RP1: variants seen among roughly 807,000 people sequenced by gnomAD.
The protein encoded by RP1 is RP1 axonemal microtubule associated, also known as oxygen-regulated protein 1.
Under a neutral mutation model 14.8 loss-of-function variants are expected in RP1, and 16 were observed. The observed-to-expected ratio is 1.08, with a 90% CI of 0.73 to 1.65. The LOEUF (loss-of-function observed/expected upper bound fraction) is 1.65. Ranked by LOEUF, RP1 falls within the 40% of genes most tolerant of loss-of-function variation. RP1 has a pLI of 0.00. For missense variants in RP1, 2,631 were observed against 2,535.0 expected (o/e 1.04, Z -0.81); for synonymous variants, 876 against 883.6 (o/e 0.99, Z 0.15).
chr8:54,627,537 AGT>A lies in RP1; in HGVS notation c.3658_3659del (p.Val1220SerfsTer2). ...AAATTGTTCCACGGTCAACATTCAGAGTGTTCCTAAGTGCAGTGAAAATGAAA... is the reference window on the plus strand; with the variant it reads ...AAATTGTTCCACGGTCAACATTCAGAGTTCCTAAGTGCAGTGAAAATGAAA... ...SANCSTVNIQ[S>X]VPKCSENERT... On this transcript the variant is annotated frameshift_variant, in exon 4 of 4. Coordinates refer to ENST00000220676, the MANE Select transcript of RP1 (RefSeq NM_006269.2). LOFTEE classifies it low-confidence loss of function (END_TRUNC). 1.9e-6 allele frequency: 3 copies of A among 1,614,194 alleles called. No homozygotes were observed. The highest frequency in any genetic ancestry group is 2.5e-6 in the Non-Finnish European group (3 of 1,180,000).
intron 24 of RP1, among the ~76,000 whole-genome samples, chr8:54,819,470 T>C (rs966114328): frequency 6.6e-6 from 1 of 152,148 alleles, no homozygotes; most frequent in African/African-American, 2.4e-5. Context: ...CCCTGGTGCC[T>C]TATTAGTTTG....
chr8:54,789,574 G>A (rs539942935), intron 24 of RP1, among the ~76,000 whole-genome samples: 8 of 152,264 alleles, frequency 5.3e-5, no homozygotes, highest in Admixed American at 3.3e-4. Flanking sequence ...CCAGCCTACC[G>A]TGAAGCCCAG....
Position 54,621,199 on chromosome 8 carries a change from T to C in RP1, c.233T>C (p.Phe78Ser). Residue 78 changes from phenylalanine (F) to serine (S), a missense_variant, in exon 2 of 4, where the codon TTT becomes TCT. Phe to Ser is a radical substitution (Grantham distance 155, BLOSUM62 -2). Transcript: ENST00000220676. Reference sequence around the variant, plus strand: ...TTGTCCAGGAAGGTGCCCCTCCCTTTTGGAGTGAGGAACATCAGCACCCCT... The same window carrying C: ...TTGTCCAGGAAGGTGCCCCTCCCTTCTGGAGTGAGGAACATCAGCACCCCT... ...DNLSRKVPLP[F>S]GVRNISTPRG... 1 of 1,614,054 alleles carries C rather than the reference T, an allele frequency of 6.2e-7. No individual in the cohort carries two copies. The highest frequency in any genetic ancestry group is 8.5e-7 in the Non-Finnish European group (1 of 1,179,980).
intron 19 of RP1, among the ~76,000 whole-genome samples, chr8:54,746,951 C>T (rs780015847): frequency 6.6e-6 from 1 of 152,130 alleles, no homozygotes; most frequent in Admixed American, 6.5e-5. Flanking sequence ...CAGTGTCTAC[C>T]TAGTTATATA....
At chr8:54,825,079 C>T (rs1207958009) in intron 24 of RP1, among the ~76,000 whole-genome samples, 2 of 152,056 alleles carry the variant, frequency 1.3e-5, no homozygotes, top group Admixed American at 6.5e-5. Flanking sequence ...ACGCCATTCT[C>T]CTGCCTCAGC....
chr8:54,618,431 A>T (rs1477755057), intron 1 of RP1, among the ~76,000 whole-genome samples: 2 of 152,226 alleles, frequency 1.3e-5, no homozygotes, highest in East Asian at 3.9e-4. Context: ...ATGTGTTCCC[A>T]AAGTGGTCAC....
chr8:54,784,157 G>A (rs1810262405), intron 24 of RP1, among the ~76,000 whole-genome samples: 1 of 152,240 alleles, frequency 6.6e-6, no homozygotes, highest in Non-Finnish European at 1.5e-5. Flanking sequence ...CGGTCAAATG[G>A]TCAAGATTCA....
chr8:54,673,360 G>C (rs1002392191), intron 7 of RP1, among the ~76,000 whole-genome samples: 11 of 152,124 alleles, frequency 7.2e-5, no homozygotes, highest in African/African-American at 2.4e-4. Context: ...AGTATTCTGT[G>C]ATTTTCACTT....
upstream of RP1, among the ~76,000 whole-genome samples, chr8:54,612,616 T>C (rs1284075607): frequency 4.6e-5 from 7 of 152,226 alleles, no homozygotes; most frequent in African/African-American, 1.7e-4. Flanking sequence ...ATTGTCAAAG[T>C]AATCCTTGGA....
chr8:54,631,119 G>A (rs543157684), downstream of RP1, among the ~76,000 whole-genome samples: 1 of 152,266 alleles, frequency 6.6e-6, no homozygotes, highest in Admixed American at 6.5e-5. Context: ...AGCCACACAT[G>A]GAGATGCTAA....
chr8:54,690,637 G>A (rs1420272678), intron 12 of RP1, among the ~76,000 whole-genome samples: 4 of 151,850 alleles, frequency 2.6e-5, no homozygotes, highest in African/African-American at 4.8e-5. Flanking sequence ...TATTAATAGG[G>A]GAATGGCTGC....
rs569747309 is a variant in RP1, at chr8:54,764,817, C to T, written c.3249-4924C>T. Among the ~76,000 whole-genome samples the T allele has an allele frequency of 2.0e-5, 3 of 150,742 alleles. No homozygotes were observed. In the South Asian group the frequency reaches 6.3e-4, roughly 32 times the overall value. On this transcript the variant is annotated intron_variant, in intron 22 of 22. Transcript: ENST00000636932. Reference sequence around the variant, plus strand: ...ATTGTATCTTAACCTCACTATGACACATATAAACAAAATTGTCACTTAATA... The same window carrying T: ...ATTGTATCTTAACCTCACTATGACATATATAAACAAAATTGTCACTTAATA...
intron 12 of RP1, among the ~76,000 whole-genome samples, chr8:54,680,479 C>T (rs1301072656): frequency 2.0e-5 from 3 of 152,114 alleles, no homozygotes; most frequent in African/African-American, 7.2e-5. Context: ...GAATTTGGAT[C>T]TTCATTATTT....
chr8:54,760,684 C>T (rs1464930102), intron 22 of RP1, among the ~76,000 whole-genome samples: 2 of 152,114 alleles, frequency 1.3e-5, no homozygotes, highest in South Asian at 2.1e-4. Flanking sequence ...CTTACAAGAT[C>T]TTAGTGAAAT....
chr8:54,676,360 G>A (rs552813551), intron 8 of RP1, among the ~76,000 whole-genome samples: 13 of 152,278 alleles, frequency 8.5e-5, no homozygotes, highest in African/African-American at 2.4e-4. Context: ...GGGTTTTTCC[G>A]TTGTGAAGAA....
chr8:54,573,314 T>C (rs918091025), intron 1 of RP1, among the ~76,000 whole-genome samples: 2 of 152,202 alleles, frequency 1.3e-5, no homozygotes, highest in Non-Finnish European at 2.9e-5. Context: ...CTAATGGCAC[T>C]GTGTCAGCCG....
At chr8:54,605,868 C>T (rs1805426674) in intron 1 of RP1, among the ~76,000 whole-genome samples, 1 of 151,868 alleles carries the variant, frequency 6.6e-6, no homozygotes, top group African/African-American at 2.4e-5. Context: ...CAACCCCTGC[C>T]TTTTTTGGTT....
intron 7 of RP1, among the ~76,000 whole-genome samples, chr8:54,670,478 T>C (rs1178665240): frequency 6.9e-6 from 1 of 144,832 alleles, no homozygotes; most frequent in African/African-American, 2.5e-5. Flanking sequence ...CATATATAGG[T>C]TTACATATGT....
intron 19 of RP1, among the ~76,000 whole-genome samples, chr8:54,748,121 A>G (rs1243809240): frequency 6.6e-6 from 1 of 152,176 alleles, no homozygotes; most frequent in Non-Finnish European, 1.5e-5. Flanking sequence ...AACCTACTTG[A>G]TATGAGCCCC....
Sources: allele counts gnomAD v4.1 joint callset (sites outside exome capture counted in the v4.1 genomes callset), GRCh38; gene constraint gnomAD v4.1.1; transcripts MANE v1.5; gene names NCBI Gene and HGNC (gene_info 2026-07-23, HGNC 2026-07-21).